Variants in PPFIA2 observed in about 807,000 individuals in gnomAD.
The protein encoded by PPFIA2 is liprin-alpha-2.
A neutral mutation model predicts 175.5 loss-of-function variants in PPFIA2; 46 were observed. The observed-to-expected ratio is 0.26, with a 90% CI of 0.21 to 0.34. The LOEUF is 0.34. PPFIA2 is among the 10% of genes least tolerant of loss of function. PPFIA2 has a pLI of 1.00. For missense variants in PPFIA2, 1,179 were observed against 1,506.1 expected, an observed-to-expected ratio of 0.78 and a Z score of 3.60; for synonymous variants, 568 against 511.4, an observed-to-expected ratio of 1.11 and a Z score of -1.49.
At chr12:81,403,011 G>A (rs1596140903) in intron 8 of PPFIA2, among the ~76,000 whole-genome samples, 1 of 151,894 alleles carries the variant, frequency 6.6e-6, no homozygotes, top group South Asian at 2.1e-4. Context: ...CACATTTTAG[G>A]TTTACACCAA....
intron 3 of PPFIA2, among the ~76,000 whole-genome samples, chr12:81,689,091 A>C (rs1286819440): frequency 6.7e-6 from 1 of 149,354 alleles, no homozygotes; most frequent in Non-Finnish European, 1.5e-5. Flanking sequence ...GAGGAATTAG[A>C]TAGAGCTAGG....
At chr12:81,684,572 T>C (rs886550706) in intron 3 of PPFIA2, among the ~76,000 whole-genome samples, 6 of 152,136 alleles carry the variant, frequency 3.9e-5, no homozygotes, top group African/African-American at 1.4e-4. Context: ...GTGTGTCTTA[T>C]TTTTGTATAA....
intron 4 of PPFIA2, among the ~76,000 whole-genome samples, chr12:81,593,633 T>G (rs2058925846): frequency 6.6e-6 from 1 of 152,142 alleles, no homozygotes; most frequent in Non-Finnish European, 1.5e-5. Flanking sequence ...AAAGAGGATT[T>G]TTTACAAAAG....
At chr12:81,305,874 G>A (rs1161901049) in intron 22 of PPFIA2, among the ~76,000 whole-genome samples, 1 of 152,122 alleles carries the variant, frequency 6.6e-6, no homozygotes, top group Admixed American at 6.6e-5. Flanking sequence ...AAATTCATTA[G>A]TTACTCAAAA....
chr12:81,433,101 T>G (rs2048388823), intron 7 of PPFIA2, among the ~76,000 whole-genome samples: 2 of 152,050 alleles, frequency 1.3e-5, no homozygotes, highest in Admixed American at 1.3e-4. Context: ...ATCTACAAAT[T>G]TTTAGCTCTT....
At chr12:81,278,599 T>A (rs1467822759) in intron 27 of PPFIA2, among the ~76,000 whole-genome samples, 2 of 148,944 alleles carry the variant, frequency 1.3e-5, no homozygotes, top group Non-Finnish European at 1.5e-5. Flanking sequence ...AAATAGGAGA[T>A]GGAGAAATAA....
chr12:81,529,717 T>A (rs978231964), intron 4 of PPFIA2, among the ~76,000 whole-genome samples: 1 of 152,010 alleles, frequency 6.6e-6, no homozygotes, highest in Non-Finnish European at 1.5e-5. Context: ...CTCCTCCGGT[T>A]AAATACAGCT....
At chr12:81,539,564 T>A (rs1027479112) in intron 4 of PPFIA2, among the ~76,000 whole-genome samples, 1 of 151,956 alleles carries the variant, frequency 6.6e-6, no homozygotes, top group Non-Finnish European at 1.5e-5. Context: ...CCATAACGAA[T>A]CAGTGGGGCC....
chr12:81,471,005 T>C (rs1593491226), intron 4 of PPFIA2, among the ~76,000 whole-genome samples: 1 of 152,232 alleles, frequency 6.6e-6, no homozygotes, highest in Admixed American at 6.5e-5. Flanking sequence ...CATGCAGTAG[T>C]TGTCCTTCTG....
intron 7 of PPFIA2, among the ~76,000 whole-genome samples, chr12:81,407,094 C>T (rs562044815): frequency 3.3e-5 from 5 of 152,298 alleles, no homozygotes; most frequent in African/African-American, 7.2e-5. Context: ...GGCTCCCTCA[C>T]GCTTACTCTT....
At chr12:81,418,099 C>T (rs560844015) in intron 7 of PPFIA2, among the ~76,000 whole-genome samples, 1 of 151,818 alleles carries the variant, frequency 6.6e-6, no homozygotes, top group African/African-American at 2.4e-5. Flanking sequence ...TATGGTTCAG[C>T]CAATTAAGGT....
intron 4 of PPFIA2, among the ~76,000 whole-genome samples, chr12:81,672,165 T>C (rs1241293772): frequency 2.6e-5 from 4 of 151,904 alleles, no homozygotes; most frequent in Non-Finnish European, 5.9e-5. Context: ...AATATAACAA[T>C]ATAAGGTTGA....
intron 5 of PPFIA2, among the ~76,000 whole-genome samples, chr12:81,451,407 C>T (rs994462624): frequency 9.9e-5 from 15 of 151,964 alleles, no homozygotes; most frequent in Admixed American, 4.6e-4. Flanking sequence ...GTTAGCCTGA[C>T]GGGGCAGAGA....
At chr12:81,618,204 T>C (rs757513274) in intron 4 of PPFIA2, among the ~76,000 whole-genome samples, 11 of 152,176 alleles carry the variant, frequency 7.2e-5, no homozygotes, top group Non-Finnish European at 1.2e-4. Context: ...AGCTCTCTAC[T>C]TTCTTAATCA....
chr12:81,381,515 T>C (rs934068599), intron 9 of PPFIA2, among the ~76,000 whole-genome samples: 12 of 152,108 alleles, frequency 7.9e-5, no homozygotes, highest in African/African-American at 2.9e-4. Flanking sequence ...AAGGAAATCA[T>C]CTAAATCTCC....
intron 3 of PPFIA2, among the ~76,000 whole-genome samples, chr12:81,728,483 G>C (rs1032804088): frequency 2.0e-5 from 3 of 151,362 alleles, no homozygotes; most frequent in East Asian, 3.9e-4. Context: ...TTTAAATAGT[G>C]CAAGATGAGA....
intron 4 of PPFIA2, among the ~76,000 whole-genome samples, chr12:81,658,295 G>GA (rs11365242): frequency 2.1e-4 from 23 of 111,838 alleles, no homozygotes; most frequent in Non-Finnish European, 3.5e-4. Flanking sequence ...GAAAAGAAAA[G>GA]AAAAAAAAAA....
intron 11 of PPFIA2, 27 bp downstream of exon 11, chr12:81,374,607 G>A: frequency 6.3e-7 from 1 of 1,581,798 alleles, no homozygotes; most frequent in African/African-American, 1.4e-5. Flanking sequence ...AATATATCTA[G>A]GTTGACCAGT....
At chr12:81,622,034 T>C (rs930462352) in intron 4 of PPFIA2, among the ~76,000 whole-genome samples, 5 of 152,154 alleles carry the variant, frequency 3.3e-5, no homozygotes, top group African/African-American at 1.2e-4. Flanking sequence ...CAAAAAATCA[T>C]ATTAAAAGGA....
Sources: gnomAD v4.1 joint callset for allele counts (sites outside exome capture counted in the v4.1 genomes callset) on GRCh38, gnomAD v4.1.1 for gene constraint, MANE v1.5 for transcripts, NCBI Gene and HGNC (gene_info 2026-07-23, HGNC 2026-07-21) for gene names.